The following FAM83B variants were observed in gnomAD, a reference collection of about 807,000 sequenced individuals.
The protein encoded by FAM83B is protein FAM83B.
In FAM83B, 26 loss-of-function variants were observed where a neutral mutation model predicts 38.8. That is an observed-to-expected ratio of 0.67 (90% CI 0.49 to 0.93). FAM83B has a LOEUF of 0.93. Among genes scored for constraint, FAM83B ranks in the 40% least tolerant of loss-of-function variants. The probability of loss-of-function intolerance (pLI) is 0.00; values close to 1 mark genes in which losing one functional copy is unlikely to be tolerated. For synonymous variants in FAM83B, 419 were observed against 423.1 expected, an observed-to-expected ratio of 0.99 and a Z score of 0.12; for missense variants, 1,237 against 1,197.3, an observed-to-expected ratio of 1.03 and a Z score of -0.49.
At chr6:54,936,204 T>C (rs1457807319) in intron 4 of FAM83B, among the ~76,000 whole-genome samples, 1 of 152,262 alleles carries the variant, frequency 6.6e-6, no homozygotes, top group African/African-American at 2.4e-5. Flanking sequence ...TCCTGTTGCC[T>C]GAAACTTTAT....
intron 2 of FAM83B, among the ~76,000 whole-genome samples, chr6:54,914,838 G>A (rs35253545): frequency 6.6e-6 from 1 of 152,164 alleles, no homozygotes; most frequent in East Asian, 1.9e-4. Flanking sequence ...GTCATGAAGG[G>A]TATGTTAACA....
chr6:54,875,965 A>C (rs947184806), intron 2 of FAM83B, among the ~76,000 whole-genome samples: 2 of 152,142 alleles, frequency 1.3e-5, no homozygotes, highest in African/African-American at 4.8e-5. Context: ...AAGTATGAAA[A>C]AATGAAAATG....
chr6:54,924,815 C>T (rs1186955825), intron 2 of FAM83B, among the ~76,000 whole-genome samples: 3 of 152,052 alleles, frequency 2.0e-5, no homozygotes, highest in East Asian at 1.9e-4. Flanking sequence ...TCCTACACAC[C>T]GTCACCTCTC....
chr6:54,934,904 C>G (rs1773496552), intron 4 of FAM83B, among the ~76,000 whole-genome samples: 1 of 152,170 alleles, frequency 6.6e-6, no homozygotes, highest in Non-Finnish European at 1.5e-5. Flanking sequence ...GGCTTATTCT[C>G]ATTGCTGCTC....
In FAM83B at chr6:54,939,897, C is replaced by T. The variant is rs1405407415; in HGVS notation, c.926C>T (p.Ser309Leu). 3.7e-6 allele frequency: 6 copies of T among 1,613,964 alleles called. No homozygotes were observed. In the African/African-American group the frequency reaches 5.3e-5, roughly 14 times the overall value. The change falls in exon 5 of 5, where the codon TCG becomes TTG. Residue 309 changes from serine (S) to leucine (L), a missense_variant. Coordinates refer to ENST00000306858, the MANE Select transcript of FAM83B (RefSeq NM_001010872.3). ...ALWENGTYQHSVSSLASVSSQ... is the reference protein window; with the variant it reads ...ALWENGTYQHLVSSLASVSSQ... ...TGGGAAAATGGCACTTACCAGCATT[C>T]GGTGTCTTCATTAGCATCTGTTTCC... is the stretch of plus-strand genomic sequence containing the variant.
At chr6:54,933,219 C>T (rs1773461287) in intron 4 of FAM83B, among the ~76,000 whole-genome samples, 1 of 151,642 alleles carries the variant, frequency 6.6e-6, no homozygotes, top group African/African-American at 2.4e-5. Flanking sequence ...TTTCTTCTGC[C>T]TGATCAAGTC....
intron 2 of FAM83B, among the ~76,000 whole-genome samples, chr6:54,901,560 A>G (rs578166348): frequency 6.6e-6 from 1 of 152,346 alleles, no homozygotes; most frequent in African/African-American, 2.4e-5. Context: ...AATAACTTAT[A>G]GAGGTTCTTA....
At position 54,943,541 on chromosome 6, in the gene FAM83B, ATTG is replaced by A. The variant is rs1329252494; in HGVS notation, c.*1536_*1538del. The A allele has an allele frequency of 6.6e-6, 1 of 152,178 alleles. No individual in the cohort carries two copies. Among genetic ancestry groups the A allele is most frequent in the African/African-American group, 2.4e-5 (1 of 41,454 alleles). 9.4% of individuals were successfully genotyped at this position (152,178 alleles called of 1,614,324 possible). ...ATGCAAGATTCAGACAAATTTTAAT[ATTG>A]TCTCATTAAAATAATTTAAATAATG... On this transcript the variant is annotated 3_prime_UTR_variant, in exon 5 of 5. Coordinates refer to ENST00000306858, the MANE Select transcript of FAM83B (RefSeq NM_001010872.3).
Position 54,870,654 on chromosome 6 carries a change from A to G in FAM83B, c.408A>G (p.Lys136=), listed in dbSNP as rs1430305356. ...CAAGAGCACATCTACTTACGATAAA[A>G]GAAACTATTCGGAAGATGATAAAAG... ...HPPRAHLLTI[K]ETIRKMIKEA... The change falls in exon 2 of 5, where the codon AAA becomes AAG. Residue 136 remains lysine, a synonymous_variant. Coordinates refer to ENST00000306858, the MANE Select transcript of FAM83B (RefSeq NM_001010872.3). 1.2e-6 allele frequency: 2 copies of G among 1,608,946 alleles called. No individual in the cohort carries two copies. The highest frequency in any genetic ancestry group is 2.7e-5 in the African/African-American group (2 of 74,502).
intron 2 of FAM83B, among the ~76,000 whole-genome samples, chr6:54,893,739 G>C (rs1772457048): frequency 6.6e-6 from 1 of 152,090 alleles, no homozygotes; most frequent in South Asian, 2.1e-4. Context: ...AGATAGAGAG[G>C]GGAAATGATT....
At chr6:54,938,681 T>G (rs2127591155) in intron 4 of FAM83B, among the ~76,000 whole-genome samples, 1 of 152,318 alleles carries the variant, frequency 6.6e-6, no homozygotes. Flanking sequence ...TTGAGAATTG[T>G]CTATTCATGT....
intron 2 of FAM83B, 131 bp from the exon 3 acceptor site, chr6:54,926,239 GA>G: frequency 2.3e-6 from 1 of 440,540 alleles, no homozygotes; most frequent in Non-Finnish European, 3.9e-6. Flanking sequence ...AAAATGAAAT[GA>G]ATATTTGTAT....
intron 1 of FAM83B, among the ~76,000 whole-genome samples, chr6:54,857,216 C>T (rs898844398): frequency 6.6e-6 from 1 of 152,166 alleles, no homozygotes; most frequent in African/African-American, 2.4e-5. Flanking sequence ...GGTATTGGAA[C>T]ACACATTTAT....
intron 2 of FAM83B, among the ~76,000 whole-genome samples, chr6:54,898,512 C>G (rs531821884): frequency 2.6e-5 from 4 of 152,308 alleles, no homozygotes; most frequent in Admixed American, 1.3e-4. Flanking sequence ...ACATCGTCTT[C>G]TGGACATCCC....
chr6:54,942,816 A>T lies in FAM83B; in HGVS notation c.*809A>T, dbSNP rs911245446. On this transcript the variant is annotated 3_prime_UTR_variant, in exon 5 of 5. Coordinates refer to ENST00000306858, the MANE Select transcript of FAM83B (RefSeq NM_001010872.3). ...TTCCCCCTCCTTTTTCTATTGTATA[A>T]AAGCTTTTAGAAATGTAAATTTCTG... Among the ~76,000 whole-genome samples the T allele has an allele frequency of 2.0e-5, 3 of 151,980 alleles. No homozygotes were observed. The highest frequency in any genetic ancestry group is 7.3e-5 in the African/African-American group (3 of 41,308).
chr6:54,859,058 C>T (rs1771513069), intron 1 of FAM83B, among the ~76,000 whole-genome samples: 2 of 151,984 alleles, frequency 1.3e-5, no homozygotes, highest in South Asian at 2.1e-4. Context: ...ACACCGTGCC[C>T]ACCCCCCAGC....
Position 54,939,913 on chromosome 6 carries a change from A to G in FAM83B, c.942A>G (p.Ala314=). The change falls in exon 5 of 5, where the codon GCA becomes GCG. Residue 314 remains alanine, a synonymous_variant. Coordinates refer to ENST00000306858, the MANE Select transcript of FAM83B (RefSeq NM_001010872.3). ...ACCAGCATTCGGTGTCTTCATTAGCATCTGTTTCCAGCCAGAGAAACCTTT... is the reference window on the plus strand; with the variant it reads ...ACCAGCATTCGGTGTCTTCATTAGCGTCTGTTTCCAGCCAGAGAAACCTTT... ...GTYQHSVSSL[A]SVSSQRNLFG... 1 of 1,614,084 alleles carries G rather than the reference A, an allele frequency of 6.2e-7. No homozygotes were observed. Among genetic ancestry groups the G allele is most frequent in the Non-Finnish European group, 8.5e-7 (1 of 1,179,992 alleles).
At chr6:54,873,267 TTTG>T (rs140688727) in intron 2 of FAM83B, among the ~76,000 whole-genome samples, 3,398 of 152,240 alleles carry the variant, frequency 0.022, 127 homozygotes, top group African/African-American at 0.078. Flanking sequence ...TCTCAATTAT[TTTG>T]GAAGATTCTT....
chr6:54,852,096 ATT>A (rs2127571233), intron 1 of FAM83B, among the ~76,000 whole-genome samples: 1 of 152,228 alleles, frequency 6.6e-6, no homozygotes, highest in African/African-American at 2.4e-5. Flanking sequence ...ACAGTTCTTT[ATT>A]TCTGTCTGTC....
Sources: gnomAD v4.1 joint callset for allele counts (sites outside exome capture counted in the v4.1 genomes callset) on GRCh38, gnomAD v4.1.1 for gene constraint, MANE v1.5 for transcripts, NCBI Gene and HGNC (gene_info 2026-07-23, HGNC 2026-07-21) for gene names.